The following ROBO2 variants were observed in gnomAD, a reference collection of about 807,000 sequenced individuals.
ROBO2 encodes roundabout homolog 2.
In ROBO2, 53 loss-of-function variants were observed where a neutral mutation model predicts 160.8. The observed-to-expected ratio is 0.33, with a 90% CI of 0.26 to 0.41. The LOEUF (loss-of-function observed/expected upper bound fraction) is 0.41, where lower values mean the gene tolerates loss of function less well. Ranked by LOEUF, ROBO2 falls within the 10% of genes least tolerant of loss-of-function variation. The pLI, the probability that ROBO2 is intolerant of heterozygous loss-of-function variation, is 1.00. For missense variants in ROBO2, 1,577 were observed against 1,722.4 expected (o/e 0.92, Z 1.49); for synonymous variants, 664 against 611.7 (o/e 1.09, Z -1.26).
At position 76,398,097 on chromosome 3, in the gene ROBO2, T is replaced by C. The variant is rs1202858041; in HGVS notation, c.109+460495T>C. 3.9e-5 allele frequency among the ~76,000 whole-genome samples: 6 copies of C among 152,116 alleles called. No individual in the cohort carries two copies. The East Asian group carries it at 1.2e-3, about 30-fold the overall frequency. On this transcript the variant is annotated intron_variant, in intron 2 of 26. Transcript: ENST00000487694. ...ACCCAAATGTCCAACAATGATAGAC[T>C]GGATTAAGAAAATGTGGCACATATA...
chr3:76,452,331 C>T (rs551554956), intron 2 of ROBO2, among the ~76,000 whole-genome samples: 1 of 152,142 alleles, frequency 6.6e-6, no homozygotes, highest in African/African-American at 2.4e-5. Flanking sequence ...TCCCCCTTCC[C>T]CCCACACAAC....
At chr3:77,470,075 T>C in intron 2 of ROBO2, among the ~76,000 whole-genome samples, 1 of 152,162 alleles carries the variant, frequency 6.6e-6, no homozygotes, top group Non-Finnish European at 1.5e-5. Context: ...GACCATCATA[T>C]GCCAACTTAC....
intron 2 of ROBO2, among the ~76,000 whole-genome samples, chr3:76,244,000 T>A (rs547724367): frequency 3.9e-5 from 6 of 152,282 alleles, no homozygotes; most frequent in African/African-American, 1.4e-4. Flanking sequence ...ATTGTCAGAA[T>A]ATGGTTAACA....
At chr3:76,447,285 G>A (rs1346287582) in intron 2 of ROBO2, among the ~76,000 whole-genome samples, 2 of 152,096 alleles carry the variant, frequency 1.3e-5, no homozygotes, top group Non-Finnish European at 2.9e-5. Context: ...AAAAACACAT[G>A]AAAAAATGCT....
chr3:77,612,764 G>A (rs753807692), intron 21 of ROBO2, among the ~76,000 whole-genome samples: 3 of 152,060 alleles, frequency 2.0e-5, no homozygotes, highest in Non-Finnish European at 4.4e-5. Flanking sequence ...GGCTAACATG[G>A]TGAAACCCCG....
intron 2 of ROBO2, among the ~76,000 whole-genome samples, chr3:77,189,429 A>G (rs1433679336): frequency 1.3e-5 from 2 of 151,894 alleles, no homozygotes; most frequent in African/African-American, 4.8e-5. Context: ...ACTGTTTTTT[A>G]AAGAAGATAT....
intron 2 of ROBO2, among the ~76,000 whole-genome samples, chr3:76,657,718 ATATT>A (rs1432802929): frequency 7.3e-6 from 1 of 136,094 alleles, no homozygotes; most frequent in Non-Finnish European, 1.5e-5. Context: ...GTGTGTATAT[ATATT>A]CATATATGAG....
chr3:77,367,369 G>C (rs757441002), intron 2 of ROBO2, among the ~76,000 whole-genome samples: 1 of 151,910 alleles, frequency 6.6e-6, no homozygotes, highest in Admixed American at 6.6e-5. Context: ...CTTGGAGTAC[G>C]GCATTCCTTC....
rs1040342679 is a variant in ROBO2, at chr3:76,198,120, G to C, written c.109+260518G>C. On this transcript the variant is annotated intron_variant, in intron 2 of 26. Transcript: ENST00000487694. ...AAGCTAGTTCAGGACATGGTGGGAA[G>C]GGGAGATCAGACATACCTCATCACA... Among the ~76,000 whole-genome samples, 26 of 152,038 alleles carry C rather than the reference G, an allele frequency of 1.7e-4. 1 individual carries two copies. Among genetic ancestry groups the C allele is most frequent in the Non-Finnish European group, 7.4e-5 (5 of 68,008 alleles).
At chr3:77,376,130 A>G (rs2072613013) in intron 2 of ROBO2, among the ~76,000 whole-genome samples, 1 of 151,242 alleles carries the variant, frequency 6.6e-6, no homozygotes, top group South Asian at 2.1e-4. Flanking sequence ...AGGCAAATGA[A>G]CATTACAATA....
At chr3:76,006,549 A>C (rs1254236237) in intron 2 of ROBO2, among the ~76,000 whole-genome samples, 1 of 152,128 alleles carries the variant, frequency 6.6e-6, no homozygotes, top group Non-Finnish European at 1.5e-5. Context: ...CTCTGCAGCC[A>C]AAAGATTTAA....
chr3:76,001,243 A>G (rs928370066), intron 2 of ROBO2, among the ~76,000 whole-genome samples: 19 of 152,234 alleles, frequency 1.2e-4, no homozygotes, highest in African/African-American at 4.6e-4. Context: ...AGAAAATTTT[A>G]GATATGATCA....
At chr3:76,983,021 C>T (rs2060176651) in intron 2 of ROBO2, among the ~76,000 whole-genome samples, 2 of 152,284 alleles carry the variant, frequency 1.3e-5, no homozygotes, top group East Asian at 1.9e-4. Context: ...CATGGTGGCT[C>T]ATGCCTGTAA....
intron 2 of ROBO2, among the ~76,000 whole-genome samples, chr3:76,870,715 C>G (rs1036176266): frequency 6.6e-6 from 1 of 152,110 alleles, no homozygotes; most frequent in Non-Finnish European, 1.5e-5. Context: ...TTCATATTCT[C>G]CAATCACCCA....
At chr3:76,473,508 A>C (rs556578239) in intron 2 of ROBO2, among the ~76,000 whole-genome samples, 109 of 152,304 alleles carry the variant, frequency 7.2e-4, no homozygotes, top group African/African-American at 2.1e-3. Flanking sequence ...CTAGTGAATG[A>C]TTTATAAGTT....
chr3:76,947,176 A>G (rs1376036910), intron 2 of ROBO2, among the ~76,000 whole-genome samples: 1 of 152,166 alleles, frequency 6.6e-6, no homozygotes, highest in Non-Finnish European at 1.5e-5. Flanking sequence ...AATGAGGTTT[A>G]CATTAGAATA....
At chr3:76,951,514 T>C (rs1189235028) in intron 2 of ROBO2, among the ~76,000 whole-genome samples, 1 of 152,220 alleles carries the variant, frequency 6.6e-6, no homozygotes, top group Non-Finnish European at 1.5e-5. Context: ...AGTTATGGTG[T>C]ATGTGTGTGT....
In ROBO2 at chr3:76,965,921, CTTT is replaced by C. The variant is rs1168083048; in HGVS notation, c.110-132077_110-132075del. 1.3e-4 allele frequency among the ~76,000 whole-genome samples: 15 copies of C among 114,074 alleles called. No homozygotes were observed. In the South Asian group the frequency reaches 4.0e-3, roughly 31 times the overall value. 74.8% of individuals were successfully genotyped at this position (114,074 alleles called of 152,430 possible). The stretch of plus-strand genomic sequence containing the variant: ...ATGATTTTTTAGCTAGGCATATTTT[CTTT>C]TTTTTTTTTTTTTTTGAGACGGAGT... On this transcript the variant is annotated intron_variant, in intron 2 of 26. Coordinates refer to the ROBO2 transcript ENST00000487694.
rs141545594 is a variant in ROBO2 at position 76,293,888 on chromosome 3, G to T, written c.109+356286G>T. Among the ~76,000 whole-genome samples the T allele has an allele frequency of 2.6e-5, 4 of 152,224 alleles. No homozygotes were observed. In the East Asian group the frequency reaches 7.8e-4, roughly 30 times the overall value. ...CAACTCAGACCATTTAGAAGAAAAG[G>T]CCTCAAAGGGCCTCCTGCCACCATT... On this transcript the variant is annotated intron_variant, in intron 2 of 26. Transcript: ENST00000487694.
Sources: gnomAD v4.1 joint callset for allele counts (sites outside exome capture counted in the v4.1 genomes callset) on GRCh38, gnomAD v4.1.1 for gene constraint, MANE v1.5 for transcripts, NCBI Gene and HGNC (gene_info 2026-07-23, HGNC 2026-07-21) for gene names.